The following KPTN variants were observed in gnomAD, a reference collection of about 807,000 sequenced individuals.
KPTN encodes the protein kaptin, actin binding protein.
KPTN carries 36 observed loss-of-function variants against 52.6 expected under a neutral mutation model. The observed-to-expected ratio is 0.68, with a 90% CI of 0.52 to 0.90. The LOEUF is 0.90. Among genes scored for constraint, KPTN ranks in the 40% least tolerant of loss-of-function variants. The pLI is 0.00. For synonymous variants in KPTN, 271 were observed against 248.4 expected, an observed-to-expected ratio of 1.09 and a Z score of -0.85; for missense variants, 529 against 576.2, an observed-to-expected ratio of 0.92 and a Z score of 0.84.
upstream of KPTN, among the ~76,000 whole-genome samples, chr19:47,484,704 CTATT>C (rs1968018707): frequency 6.9e-6 from 1 of 145,598 alleles, no homozygotes; most frequent in Admixed American, 7.0e-5. Context: ...CCACAGTTCA[CTATT>C]TTTTTTTTTT....
intron 11 of KPTN, among the ~76,000 whole-genome samples, chr19:47,475,851 C>T (rs1203034381): frequency 6.6e-6 from 1 of 151,964 alleles, no homozygotes; most frequent in African/African-American, 2.4e-5. Flanking sequence ...ATCCCAGCTA[C>T]TAGGGAGGCT....
chr19:47,484,702 C>G (rs984581204), upstream of KPTN, among the ~76,000 whole-genome samples: 1 of 148,338 alleles, frequency 6.7e-6, no homozygotes, highest in African/African-American at 2.5e-5. Context: ...CTCCACAGTT[C>G]ACTATTTTTT....
chr19:47,477,641 C>T, intron 9 of KPTN, 65 bp downstream of exon 9: 2 of 1,230,124 alleles, frequency 1.6e-6, no homozygotes, highest in Admixed American at 1.7e-5. Context: ...TAGAGAATGA[C>T]AAGGTTAGAC....
chr19:47,481,860 C>G (rs1967888407), intron 4 of KPTN, among the ~76,000 whole-genome samples: 1 of 152,206 alleles, frequency 6.6e-6, no homozygotes, highest in Non-Finnish European at 1.5e-5. Context: ...AACCCACACA[C>G]TTTGGGGTTC....
At chr19:47,482,465 A>T (rs1292939441) in intron 4 of KPTN, among the ~76,000 whole-genome samples, 1 of 144,802 alleles carries the variant, frequency 6.9e-6, no homozygotes, top group Non-Finnish European at 1.5e-5. Context: ...CTGGCAACAG[A>T]GCGAGCATCT....
At position 47,476,923 on chromosome 19, in the gene KPTN, C is replaced by T. The variant is rs1967692408; in HGVS notation, c.879G>A (p.Arg293=). The T allele has an allele frequency of 3.2e-6, 5 of 1,557,462 alleles. No homozygotes were observed. The South Asian group carries it at 5.9e-5, about 18-fold the overall frequency. ...PAVVYRDLLN[R]GLEDQLLLPG... ...GCAGGAGAAGCTGGTCTTCAAGACC[C>T]CGGTTCAGCAGGTCCCTGAGGGTCC... Residue 293 remains arginine (R), a synonymous_variant, in exon 10 of 12, where the codon CGG becomes CGA. Coordinates refer to ENST00000338134, the MANE Select transcript of KPTN (RefSeq NM_007059.4).
chr19:47,479,866 T>A lies in KPTN; in HGVS notation c.784A>T (p.Lys262Ter). 6.2e-7 allele frequency: 1 copy of A among 1,612,904 alleles called. No homozygotes were observed. The highest frequency in any genetic ancestry group is 8.5e-7 in the Non-Finnish European group (1 of 1,179,344). Reference sequence around the variant, plus strand: ...TCCCCTCAAACCCAGAGCTCACCCTTGGCGGCCGAGAGGCTGAACACAATC... The same window carrying A: ...TCCCCTCAAACCCAGAGCTCACCCTAGGCGGCCGAGAGGCTGAACACAATC... ...RVIVFSLSAA[K>*]ETKDRPLQDE... Residue 262 changes from lysine to a stop codon, truncating the protein, a stop_gained, in exon 8 of 12, where the codon AAG becomes TAG. Transcript: ENST00000338134. LOFTEE classifies it high-confidence loss of function.
chr19:47,482,469 A>G (rs1967910740), intron 4 of KPTN, among the ~76,000 whole-genome samples: 1 of 142,644 alleles, frequency 7.0e-6, no homozygotes. Flanking sequence ...CAACAGAGCG[A>G]GCATCTATCT....
rs2122702423 is a variant in KPTN at position 47,483,558 on chromosome 19, T to C, written c.253A>G (p.Thr85Ala). The change falls in exon 2 of 12, where the codon ACT (threonine) becomes GCT (alanine). Residue 85 changes from threonine (T) to alanine (A), a missense_variant. Thr to Ala is a moderately conservative substitution (Grantham distance 58). Transcript: ENST00000338134. Reference sequence around the variant, plus strand: ...CGCTTGGGGGGTGACTTGTTGAAAGTGTCGATGGAGACAATCTCCGCATCC... The same window carrying C: ...CGCTTGGGGGGTGACTTGTTGAAAGCGTCGATGGAGACAATCTCCGCATCC... ...PVDAEIVSID[T>A]FNKSPPKRGL... 6.4e-7 allele frequency: 1 copy of C among 1,568,380 alleles called. No homozygotes were observed. The highest frequency in any genetic ancestry group is 1.4e-5 in the African/African-American group (1 of 73,824).
rs1356064048 is a variant in KPTN at position 47,483,562 on chromosome 19, G to A, written c.249C>T (p.Ile83=). 1.3e-6 allele frequency: 2 copies of A among 1,565,758 alleles called. No individual in the cohort carries two copies. The highest frequency in any genetic ancestry group is 1.7e-6 in the Non-Finnish European group (2 of 1,154,540). ...YIPVDAEIVS[I]DTFNKSPPKR... ...TGGGGGGTGACTTGTTGAAAGTGTC[G>A]ATGGAGACAATCTCCGCATCCACTG... The change falls in exon 2 of 12, where the codon ATC becomes ATT. Residue 83 remains isoleucine, a synonymous_variant. Transcript: ENST00000338134.
chr19:47,480,608 GT>G, intron 6 of KPTN, 151 bp downstream of exon 6: 1 of 815,674 alleles, frequency 1.2e-6, no homozygotes, highest in Non-Finnish European at 2.0e-6. Flanking sequence ...TTTTTCTGGG[GT>G]CACCCCTGCT....
rs538460567 is a variant in KPTN, at chr19:47,475,556, A to G, written c.1183-12T>C. 3 of 1,610,892 alleles carry G rather than the reference A, an allele frequency of 1.9e-6. No homozygotes were observed. The highest frequency in any genetic ancestry group is 2.5e-6 in the Non-Finnish European group (3 of 1,177,710). ...TGAATCAGGCTGTGCTGTGGGGAAC[A>G]AGAGAATGAGGGGGATGGAGCTGAG... On this transcript the variant is annotated splice_polypyrimidine_tract_variant and intron_variant, in intron 11 of 11. Coordinates refer to ENST00000338134, the MANE Select transcript of KPTN (RefSeq NM_007059.4).
chr19:47,483,765 C>T (rs1003692296), intron 1 of KPTN, 170 bp downstream of exon 1: 3 of 999,850 alleles, frequency 3.0e-6, no homozygotes, highest in Admixed American at 5.2e-5. Flanking sequence ...AATCCTGAAA[C>T]CCTAGGCTCA....
At position 47,479,868 on chromosome 19, in the gene KPTN, G is replaced by A; in HGVS notation, c.782C>T (p.Ala261Val). 1.2e-6 allele frequency: 2 copies of A among 1,613,080 alleles called. No homozygotes were observed. The highest frequency in any genetic ancestry group is 1.7e-6 in the Non-Finnish European group (2 of 1,179,466). ...CCCTCAAACCCAGAGCTCACCCTTG[G>A]CGGCCGAGAGGCTGAACACAATCAC... ...SRVIVFSLSA[A>V]KETKDRPLQD... The change falls in exon 8 of 12, where the codon GCC becomes GTC. Residue 261 changes from alanine (A) to valine (V), a missense_variant. By Grantham distance (64) the Ala-to-Val change is moderately conservative. Transcript: ENST00000338134.
rs1201053312 is a variant in KPTN, at chr19:47,476,581, C to T, written c.1133G>A (p.Gly378Glu). ...GGAGACCACGGCAAGCTCCTGCAGCCCATCCCCGGTCAGGTCCACGTGAGC... is the reference window on the plus strand; with the variant it reads ...GGAGACCACGGCAAGCTCCTGCAGCTCATCCCCGGTCAGGTCCACGTGAGC... ...AMAHVDLTGD[G>E]LQELAVVSLK... The change falls in exon 11 of 12, where the codon GGG becomes GAG. Residue 378 changes from glycine (G) to glutamate (E), a missense_variant. Coordinates refer to ENST00000338134, the MANE Select transcript of KPTN (RefSeq NM_007059.4). 2 of 1,611,872 alleles carry T rather than the reference C, an allele frequency of 1.2e-6. No individual in the cohort carries two copies. Among genetic ancestry groups the T allele is most frequent in the East Asian group, 2.2e-5 (1 of 44,632 alleles).
Position 47,475,548 on chromosome 19 carries a change from TG to T in KPTN, c.1183-5del. On this transcript the variant is annotated splice_polypyrimidine_tract_variant and splice_region_variant and intron_variant, in intron 11 of 11. Transcript: ENST00000338134. ...CTGAGGCCTGAATCAGGCTGTGCTG[TG>T]GGGAACAAGAGAATGAGGGGGATGG... 2 of 1,611,624 alleles carry T rather than the reference TG, an allele frequency of 1.2e-6. No individual in the cohort carries two copies. The highest frequency in any genetic ancestry group is 1.7e-6 in the Non-Finnish European group (2 of 1,178,308).
intron 4 of KPTN, among the ~76,000 whole-genome samples, chr19:47,481,258 G>A (rs1050942439): frequency 2.6e-5 from 4 of 152,142 alleles, no homozygotes; most frequent in Non-Finnish European, 4.4e-5. Flanking sequence ...ATCAAGGAAT[G>A]TACCTCCCAA....
chr19:47,482,214 C>T (rs1011275905), intron 4 of KPTN, among the ~76,000 whole-genome samples: 3 of 152,198 alleles, frequency 2.0e-5, no homozygotes, highest in Non-Finnish European at 4.4e-5. Context: ...TCCGGCCAGG[C>T]GTGGTGGCTC....
At position 47,479,871 on chromosome 19, in the gene KPTN, G is replaced by T. The variant is rs547863250; in HGVS notation, c.779C>A (p.Ala260Asp). 1.2e-5 allele frequency: 20 copies of T among 1,613,042 alleles called. No homozygotes were observed. The East Asian group carries it at 4.5e-4, about 36-fold the overall frequency. Residue 260 changes from alanine (A) to aspartate (D), a missense_variant, in exon 8 of 12, where the codon GCC becomes GAC. By Grantham distance (126) the Ala-to-Asp change is moderately radical. Coordinates refer to ENST00000338134, the MANE Select transcript of KPTN (RefSeq NM_007059.4). ...ISRVIVFSLS[A>D]AKETKDRPLQ... Reference sequence around the variant, plus strand: ...TCAAACCCAGAGCTCACCCTTGGCGGCCGAGAGGCTGAACACAATCACTCG... The same window carrying T: ...TCAAACCCAGAGCTCACCCTTGGCGTCCGAGAGGCTGAACACAATCACTCG...
Sources: allele counts gnomAD v4.1 joint callset (sites outside exome capture counted in the v4.1 genomes callset), GRCh38; gene constraint gnomAD v4.1.1; transcripts MANE v1.5; gene names NCBI Gene and HGNC (gene_info 2026-07-23, HGNC 2026-07-21).